Variants in MYZAP observed in about 807,000 individuals in gnomAD.
MYZAP encodes GRINL1A complex locus upstream.
Under a neutral mutation model 69.4 loss-of-function variants are expected in MYZAP, and 66 were observed. The observed-to-expected ratio is 0.95, with a 90% CI of 0.78 to 1.17. The LOEUF is 1.17. MYZAP is among the 50% of genes most tolerant of loss of function. The pLI is 0.00. For synonymous variants in MYZAP, 256 were observed against 205.9 expected, an observed-to-expected ratio of 1.24 and a Z score of -2.09; for missense variants, 611 against 556.2, an observed-to-expected ratio of 1.10 and a Z score of -0.99.
chr15:57,626,999 C>T (rs554744541), intron 5 of MYZAP, among the ~76,000 whole-genome samples: 1 of 150,132 alleles, frequency 6.7e-6, no homozygotes, highest in South Asian at 2.1e-4. Flanking sequence ...CTTTGTTTTC[C>T]CTTCCTCCTG....
intron 6 of MYZAP, among the ~76,000 whole-genome samples, chr15:57,630,520 C>G (rs1279985420): frequency 1.3e-5 from 2 of 152,188 alleles, no homozygotes; most frequent in African/African-American, 4.8e-5. Flanking sequence ...ATAGCTGGTA[C>G]TTGGGCTGTA....
At chr15:57,594,361 C>T (rs551698823) in intron 1 of MYZAP, among the ~76,000 whole-genome samples, 10 of 152,330 alleles carry the variant, frequency 6.6e-5, no homozygotes, top group Admixed American at 3.9e-4. Context: ...AGTGATACAA[C>T]TGCCTCGGCC....
chr15:57,598,449 G>A lies in MYZAP; in HGVS notation c.76-5820G>A, dbSNP rs750130227. ...AAAACTACAAAACCCAACACTGAGCGAGCGCCCATCATGTGTTGATACTAT... is the reference window on the plus strand; with the variant it reads ...AAAACTACAAAACCCAACACTGAGCAAGCGCCCATCATGTGTTGATACTAT... On this transcript the variant is annotated intron_variant, in intron 1 of 12. Coordinates refer to ENST00000267853, the MANE Select transcript of MYZAP (RefSeq NM_001018100.5). Among the ~76,000 whole-genome samples, 47 of 152,124 alleles carry A rather than the reference G, an allele frequency of 3.1e-4. 1 individual carries two copies. Among genetic ancestry groups the A allele is most frequent in the Admixed American group, 6.6e-5 (1 of 15,266 alleles).
intron 5 of MYZAP, among the ~76,000 whole-genome samples, chr15:57,627,086 T>C (rs1384400681): frequency 6.6e-6 from 1 of 152,182 alleles, no homozygotes; most frequent in East Asian, 1.9e-4. Context: ...CAGCAAGGGC[T>C]TTATCTCACC....
At chr15:57,592,615 C>G (rs1465568611) in intron 1 of MYZAP, among the ~76,000 whole-genome samples, 1 of 152,224 alleles carries the variant, frequency 6.6e-6, no homozygotes, top group African/African-American at 2.4e-5. Flanking sequence ...AGGAGCCCGA[C>G]TGTGTGGGAC....
intron 3 of MYZAP, among the ~76,000 whole-genome samples, chr15:57,618,866 T>A (rs2035636632): frequency 6.6e-6 from 1 of 152,132 alleles, no homozygotes; most frequent in African/African-American, 2.4e-5. Context: ...CCACCCAGCT[T>A]ATATGGAAGA....
At chr15:57,621,065 A>G (rs2035776147) in intron 3 of MYZAP, among the ~76,000 whole-genome samples, 1 of 148,026 alleles carries the variant, frequency 6.8e-6, no homozygotes, top group Admixed American at 6.8e-5. Flanking sequence ...TATAAAATAT[A>G]TACATAATAA....
At chr15:57,665,251 G>A (rs2038508598) in intron 11 of MYZAP, among the ~76,000 whole-genome samples, 1 of 152,258 alleles carries the variant, frequency 6.6e-6, no homozygotes, top group Non-Finnish European at 1.5e-5. Context: ...CAACCTGAAA[G>A]GTTCATCCTG....
intron 12 of MYZAP, among the ~76,000 whole-genome samples, chr15:57,683,099 A>G (rs2039522443): frequency 1.3e-5 from 2 of 152,160 alleles, no homozygotes; most frequent in African/African-American, 4.8e-5. Flanking sequence ...AACTAGCAAC[A>G]GTGGAAGCTG....
chr15:57,662,588 T>C (rs1031227558), intron 11 of MYZAP, among the ~76,000 whole-genome samples: 3 of 152,186 alleles, frequency 2.0e-5, no homozygotes, highest in African/African-American at 7.2e-5. Flanking sequence ...GAAATCAGAA[T>C]GTATAGAAGG....
intron 1 of MYZAP, among the ~76,000 whole-genome samples, chr15:57,594,460 G>T (rs1194311618): frequency 6.6e-6 from 1 of 152,212 alleles, no homozygotes; most frequent in Non-Finnish European, 1.5e-5. Context: ...AGTAGAATTT[G>T]TAGGGGAATT....
intron 1 of MYZAP, among the ~76,000 whole-genome samples, chr15:57,596,560 G>T (rs2034070754): frequency 6.6e-6 from 1 of 152,118 alleles, no homozygotes; most frequent in Non-Finnish European, 1.5e-5. Flanking sequence ...CCACACTCCT[G>T]GCTCTTTTTC....
Position 57,684,416 on chromosome 15 carries a change from C to G in MYZAP, c.1319C>G (p.Thr440Ser). Reference protein sequence around the residue: ...CDLLPSQTGRTREIVMPSRNY... With the variant: ...CDLLPSQTGRSREIVMPSRNY... The stretch of plus-strand genomic sequence containing the variant: ...TCATTTCTCAGCCAAACAGGCAGGA[C>G]TCGTGAAATTGTGATGCCTTCTAGG... The change falls in exon 13 of 13, where the codon ACT (threonine) becomes AGT (serine). Residue 440 changes from threonine to serine, a missense_variant. Transcript: ENST00000267853. The G allele has an allele frequency of 1.9e-6, 3 of 1,612,712 alleles. No homozygotes were observed. Among genetic ancestry groups the G allele is most frequent in the Middle Eastern group, 1.7e-4 (1 of 6,060 alleles).
At chr15:57,628,478 T>G (rs986817613) in intron 5 of MYZAP, among the ~76,000 whole-genome samples, 1 of 151,924 alleles carries the variant, frequency 6.6e-6, no homozygotes, top group African/African-American at 2.4e-5. Flanking sequence ...AGTCTTGAAC[T>G]CCAGGCTCAG....
At chr15:57,603,397 T>C (rs926723539) in intron 1 of MYZAP, among the ~76,000 whole-genome samples, 1 of 152,186 alleles carries the variant, frequency 6.6e-6, no homozygotes, top group Non-Finnish European at 1.5e-5. Flanking sequence ...ATTAAGTGCA[T>C]CCACACTGTT....
chr15:57,637,078 T>C (rs2036860809), intron 8 of MYZAP, among the ~76,000 whole-genome samples: 1 of 152,186 alleles, frequency 6.6e-6, no homozygotes, highest in South Asian at 2.1e-4. Context: ...TCTCTCTGAT[T>C]CTAACCCTGC....
At position 57,635,838 on chromosome 15, in the gene MYZAP, C is replaced by T. The variant is rs987805028; in HGVS notation, c.934-1857C>T. On this transcript the variant is annotated intron_variant, in intron 8 of 12. Transcript: ENST00000267853. ...GGACAAACCATGTGCTTTTGAATGG[C>T]TTCTCTGCCATATGCCTTAGTTTAC... Among the ~76,000 whole-genome samples the T allele has an allele frequency of 5.3e-5, 8 of 152,214 alleles. No individual in the cohort carries two copies. In the East Asian group the frequency reaches 1.5e-3, roughly 29 times the overall value.
chr15:57,647,470 A>G, intron 10 of MYZAP: 1 of 985,452 alleles, frequency 1.0e-6, no homozygotes, highest in Non-Finnish European at 1.2e-6. Flanking sequence ...CATTTGTTCT[A>G]GCAGCATTGA....
intron 10 of MYZAP, chr15:57,646,637 A>T: frequency 1.0e-6 from 1 of 994,624 alleles, no homozygotes; most frequent in Non-Finnish European, 1.2e-6. Flanking sequence ...TGCTCCCACC[A>T]GATCACCCCC....
Sources: allele counts gnomAD v4.1 joint callset (sites outside exome capture counted in the v4.1 genomes callset), GRCh38; gene constraint gnomAD v4.1.1; transcripts MANE v1.5; gene names NCBI Gene and HGNC (gene_info 2026-07-23, HGNC 2026-07-21).